GAB2: variants seen among roughly 807,000 people sequenced by gnomAD.
The protein encoded by GAB2 is GRB2-associated-binding protein 2.
In GAB2, 26 loss-of-function variants were observed where a neutral mutation model predicts 65.5. The ratio of observed to expected loss-of-function variants is 0.40; its 90% CI spans 0.29 to 0.55. GAB2 has a LOEUF of 0.55. Among genes scored for constraint, GAB2 ranks in the 20% least tolerant of loss-of-function variants. The probability of loss-of-function intolerance (pLI) is 0.53; values close to 1 mark genes in which losing one functional copy is unlikely to be tolerated. For missense variants in GAB2, 884 were observed against 875.8 expected (o/e 1.01, Z -0.12); for synonymous variants, 321 against 329.6 (o/e 0.97, Z 0.28).
chr11:78,293,861 G>C (rs1192407143), intron 1 of GAB2, among the ~76,000 whole-genome samples: 1 of 152,170 alleles, frequency 6.6e-6, no homozygotes, highest in Non-Finnish European at 1.5e-5. Flanking sequence ...GTGAGGGAGA[G>C]CGAGAGCATG....
At chr11:78,366,021 C>T (rs1856492622) in intron 1 of GAB2, among the ~76,000 whole-genome samples, 1 of 152,182 alleles carries the variant, frequency 6.6e-6, no homozygotes, top group African/African-American at 2.4e-5. Flanking sequence ...ATTTGCAGCA[C>T]TCAGTTGATT....
chr11:78,222,198 G>A lies in GAB2; in HGVS notation c.1568-3C>T, dbSNP rs765552885. On this transcript the variant is annotated splice_region_variant and splice_polypyrimidine_tract_variant and intron_variant, in intron 6 of 9. Transcript: ENST00000361507. Reference sequence around the variant, plus strand: ...CAGGTCAAGTGGTGTTGGCTTTGCTGGAGCAGGAAAAGAAAGTCTGGTAAT... The same window carrying A: ...CAGGTCAAGTGGTGTTGGCTTTGCTAGAGCAGGAAAAGAAAGTCTGGTAAT... The A allele has an allele frequency of 6.2e-7, 1 of 1,609,340 alleles. No individual in the cohort carries two copies. The highest frequency in any genetic ancestry group is 8.5e-7 in the Non-Finnish European group (1 of 1,175,724).
intron 1 of GAB2, among the ~76,000 whole-genome samples, chr11:78,393,236 A>C (rs994181185): frequency 2.0e-5 from 3 of 152,198 alleles, no homozygotes; most frequent in African/African-American, 7.2e-5. Flanking sequence ...TAACAGGAAC[A>C]TCAGGTCAGG....
At chr11:78,249,752 A>G (rs1865394764) in intron 3 of GAB2, among the ~76,000 whole-genome samples, 2 of 152,180 alleles carry the variant, frequency 1.3e-5, no homozygotes, top group Non-Finnish European at 2.9e-5. Context: ...TAGCTACTAT[A>G]CAGAACAGTG....
rs1443173632 is a variant in GAB2, at chr11:78,395,421, TC to T, written c.75+22224del. ...GTGAGCTCAGATCATGCCACTGCAT[TC>T]CAGCCCGGGCAACAGCAAGTCTCCA... is the stretch of plus-strand genomic sequence containing the variant. On this transcript the variant is annotated intron_variant, in intron 1 of 9. Coordinates refer to ENST00000361507, the MANE Select transcript of GAB2 (RefSeq NM_080491.3). Among the ~76,000 whole-genome samples, 8 of 152,298 alleles carry T rather than the reference TC, an allele frequency of 5.3e-5. No individual in the cohort carries two copies. The East Asian group carries it at 1.5e-3, about 29-fold the overall frequency.
rs143717165 is a variant in GAB2, at chr11:78,306,379, C to T, written c.76-25478G>A. 3.4e-3 allele frequency among the ~76,000 whole-genome samples: 514 copies of T among 152,204 alleles called. 2 individuals are homozygous for T. The highest frequency in any genetic ancestry group is 0.015 in the South Asian group (71 of 4,822). ...CCAAGTAGCTGGGACTACAGGCACA[C>T]GCCGCCACGCCCGGCTAATTTTTTA... is the stretch of plus-strand genomic sequence containing the variant. On this transcript the variant is annotated intron_variant, in intron 1 of 9. Coordinates refer to ENST00000361507, the MANE Select transcript of GAB2 (RefSeq NM_080491.3).
chr11:78,296,938 G>C (rs1055956715), intron 1 of GAB2, among the ~76,000 whole-genome samples: 1 of 152,148 alleles, frequency 6.6e-6, no homozygotes, highest in Admixed American at 6.5e-5. Context: ...AGCTGCTTTT[G>C]TAAGGGCAAA....
intron 1 of GAB2, among the ~76,000 whole-genome samples, chr11:78,372,063 C>A (rs902695251): frequency 4.6e-5 from 7 of 152,128 alleles, no homozygotes; most frequent in African/African-American, 1.7e-4. Flanking sequence ...CTTATCCTGA[C>A]CAAGGTAGGG....
At chr11:78,374,498 CTGACTAGATAAGTTAG>C (rs1565177201) in intron 1 of GAB2, among the ~76,000 whole-genome samples, 1 of 152,200 alleles carries the variant, frequency 6.6e-6, no homozygotes, top group Admixed American at 6.5e-5. Flanking sequence ...AATTCTGCTA[CTGACTAGATAAGTTAG>C]TGAAGTTGTT....
chr11:78,371,636 C>T lies in GAB2; in HGVS notation c.75+46010G>A, dbSNP rs564799493. Among the ~76,000 whole-genome samples, 6 of 152,328 alleles carry T rather than the reference C, an allele frequency of 3.9e-5. No individual in the cohort carries two copies. In the South Asian group the frequency reaches 1.2e-3, roughly 32 times the overall value. ...GAGGATGGGATTATTTCTTTGGTGT[C>T]CACCTTTGCTGTCTAGTACAGTTCA... On this transcript the variant is annotated intron_variant, in intron 1 of 9. Coordinates refer to ENST00000361507, the MANE Select transcript of GAB2 (RefSeq NM_080491.3).
intron 1 of GAB2, among the ~76,000 whole-genome samples, chr11:78,358,284 G>A (rs1461969740): frequency 1.6e-5 from 2 of 127,244 alleles, no homozygotes; most frequent in African/African-American, 5.8e-5. Flanking sequence ...ATCACACACC[G>A]GGGCCTGTTG....
chr11:78,378,594 T>C (rs1437257221), intron 1 of GAB2, among the ~76,000 whole-genome samples: 5 of 152,344 alleles, frequency 3.3e-5, no homozygotes, highest in Non-Finnish European at 7.4e-5. Context: ...ATATCTGTGA[T>C]GGTGTGAACT....
intron 1 of GAB2, among the ~76,000 whole-genome samples, chr11:78,362,639 T>A (rs1423980956): frequency 1.3e-5 from 2 of 152,080 alleles, no homozygotes; most frequent in African/African-American, 4.8e-5. Context: ...TTAACCACAA[T>A]AAATGTGAAT....
At chr11:78,315,884 T>C (rs1035664340) in intron 1 of GAB2, among the ~76,000 whole-genome samples, 103 of 152,192 alleles carry the variant, frequency 6.8e-4, no homozygotes, top group African/African-American at 2.1e-3. Context: ...CCAGAGGAGG[T>C]TGACATTTGA....
rs1163936315 is a variant in GAB2 at position 78,309,926 on chromosome 11, A to AT, written c.76-29026dup. On this transcript the variant is annotated intron_variant, in intron 1 of 9. Coordinates refer to ENST00000361507, the MANE Select transcript of GAB2 (RefSeq NM_080491.3). ...CGGTTCACTTTGGGGAGGGTTAGAAATGTGTGTGTGTGTGTGTGTGTGTGT... is the reference window on the plus strand; with the variant it reads ...CGGTTCACTTTGGGGAGGGTTAGAAATTGTGTGTGTGTGTGTGTGTGTGTGT... Among the ~76,000 whole-genome samples, 154 of 135,694 alleles carry AT rather than the reference A, an allele frequency of 1.1e-3. 1 individual carries two copies. The highest frequency in any genetic ancestry group is 4.4e-3 in the African/African-American group (146 of 33,318). The allele number at this position is 135,694 out of a possible 152,430, so 89.0% of individuals were successfully genotyped here. A position where few individuals can be genotyped will look rare whatever the true frequency, so the allele number is the denominator to read the frequency against.
intron 1 of GAB2, among the ~76,000 whole-genome samples, chr11:78,398,666 T>C (rs1856933137): frequency 6.6e-6 from 1 of 152,184 alleles, no homozygotes; most frequent in Admixed American, 6.5e-5. Flanking sequence ...CTGATGTTGG[T>C]TATAACCATG....
At chr11:78,353,249 T>C (rs1856307416) in intron 1 of GAB2, among the ~76,000 whole-genome samples, 1 of 152,182 alleles carries the variant, frequency 6.6e-6, no homozygotes, top group African/African-American at 2.4e-5. Context: ...CAGACCAGCC[T>C]GGCCAACATG....
chr11:78,341,722 G>C (rs983423969), intron 1 of GAB2: 70 of 977,224 alleles, frequency 7.2e-5, no homozygotes, highest in Non-Finnish European at 8.3e-5. Context: ...AACCTGCTAG[G>C]TACTTGCCCG....
chr11:78,250,122 C>A lies in GAB2; in HGVS notation c.620+35G>T. 1.9e-6 allele frequency: 3 copies of A among 1,608,930 alleles called. No homozygotes were observed. In the South Asian group the frequency reaches 3.3e-5, roughly 18 times the overall value. ...AAAAGTACTAGGCCCTGTGAGCGGT[C>A]ACTAACCCACCTAATGGCTGTGGCA... On this transcript the variant is annotated intron_variant, in intron 3 of 9. Coordinates refer to ENST00000361507, the MANE Select transcript of GAB2 (RefSeq NM_080491.3).
Sources: allele counts gnomAD v4.1 joint callset (sites outside exome capture counted in the v4.1 genomes callset), GRCh38; gene constraint gnomAD v4.1.1; transcripts MANE v1.5; gene names NCBI Gene and HGNC (gene_info 2026-07-23, HGNC 2026-07-21).